MIGA2: variants seen among roughly 807,000 people sequenced by gnomAD.
MIGA2 encodes mitoguardin 2.
MIGA2 carries 36 observed loss-of-function variants against 69.9 expected under a neutral mutation model. That is an observed-to-expected ratio of 0.52 (90% CI 0.39 to 0.68). The LOEUF (loss-of-function observed/expected upper bound fraction) is 0.68. Among genes scored for constraint, MIGA2 ranks in the 30% least tolerant of loss-of-function variants. The pLI, the probability that MIGA2 is intolerant of heterozygous loss-of-function variation, is 0.00. For missense variants in MIGA2, 660 were observed against 787.7 expected (o/e 0.84, Z 1.94); for synonymous variants, 333 against 349.2 (o/e 0.95, Z 0.52).
rs1302255038 is a variant in MIGA2, at chr9:129,063,635, GC to G, written c.1170+5del. The G allele has an allele frequency of 1.3e-6, 2 of 1,553,900 alleles. No individual in the cohort carries two copies. Among genetic ancestry groups the G allele is most frequent in the Non-Finnish European group, 1.8e-6 (2 of 1,129,616 alleles). On this transcript the variant is annotated splice_donor_5th_base_variant and intron_variant, in intron 11 of 15. Coordinates refer to ENST00000684074, the MANE Select transcript of MIGA2 (RefSeq NM_001329990.2). ...CCTGATGACCAAGGCTGAGAAGGTA[GC>G]AGGGGGTGGGGTGGGGGGGCAAATT...
chr9:129,059,175 T>G lies in MIGA2; in HGVS notation c.697T>G (p.Phe233Val). Residue 233 changes from phenylalanine to valine, a missense_variant, in exon 7 of 16, where the codon TTT becomes GTT. By Grantham distance (50) the Phe-to-Val change is conservative (BLOSUM62 -1). Coordinates refer to ENST00000684074, the MANE Select transcript of MIGA2 (RefSeq NM_001329990.2). The surrounding 1 kb of genome is among the most constrained non-coding windows in gnomAD (Gnocchi z 5.6). Reference sequence around the variant, plus strand: ...GCAGCCAGAGTCACAGCGGAAGGAGTTTGCAGAGAAGCTGGAGTCCCTGCT... The same window carrying G: ...GCAGCCAGAGTCACAGCGGAAGGAGGTTGCAGAGAAGCTGGAGTCCCTGCT... ...LSEPESQRKE[F>V]AEKLESLLHR... is the part of the protein sequence containing the mutation. 6.2e-7 allele frequency: 1 copy of G among 1,612,918 alleles called. No individual in the cohort carries two copies. The highest frequency in any genetic ancestry group is 1.1e-5 in the South Asian group (1 of 90,930).
Position 129,068,224 on chromosome 9 carries a change from C to T in MIGA2, c.1296C>T (p.Ile432=), listed in dbSNP as rs754200697. Reference sequence around the variant, plus strand: ...TGGTATGCATGAGCTTCTTCGACATCGTGCTGGACTTCATCCTCATGGACG... The same window carrying T: ...TGGTATGCATGAGCTTCTTCGACATTGTGCTGGACTTCATCCTCATGGACG... ...RGVVCMSFFD[I]VLDFILMDAF... is the part of the protein sequence containing the mutation. Residue 432 remains isoleucine (I), a synonymous_variant, in exon 13 of 16, where the codon ATC becomes ATT. Transcript: ENST00000684074. This position sits in a 1 kb window ranked among gnomAD's most constrained non-coding sequence, Gnocchi z 4.1. The T allele has an allele frequency of 2.2e-5, 36 of 1,613,746 alleles. No individual in the cohort carries two copies. The highest frequency in any genetic ancestry group is 8.0e-5 in the African/African-American group (6 of 74,942).
Position 129,070,447 on chromosome 9 carries a change from G to T in MIGA2, c.1776G>T (p.Leu592=). ...LPRENGPLGE[L]Q ...GAGAGAATGGGCCCCTGGGGGAGCT[G>T]CAGTAGAGGCGGCACGGGCTGGGGG... Residue 592 remains leucine (L), a synonymous_variant, in exon 16 of 16, where the codon CTG becomes CTT. Coordinates refer to ENST00000684074, the MANE Select transcript of MIGA2 (RefSeq NM_001329990.2). 1 of 1,573,466 alleles carries T rather than the reference G, an allele frequency of 6.4e-7. No homozygotes were observed. The highest frequency in any genetic ancestry group is 8.6e-7 in the Non-Finnish European group (1 of 1,156,686).
At position 129,060,781 on chromosome 9, in the gene MIGA2, G is replaced by A. The variant is rs923810218; in HGVS notation, c.894+131G>A. The A allele has an allele frequency of 7.8e-6, 6 of 769,882 alleles. No homozygotes were observed. The highest frequency in any genetic ancestry group is 3.6e-5 in the South Asian group (2 of 55,360). 47.7% of individuals were successfully genotyped at this position (769,882 alleles called of 1,614,324 possible). ...GATGGGAGAATTTGGATGCTCCCAC[G>A]GGCCTCCTCGAAGCTGTTGGGGATG... On this transcript the variant is annotated intron_variant, in intron 8 of 15. Coordinates refer to ENST00000684074, the MANE Select transcript of MIGA2 (RefSeq NM_001329990.2). This position sits in a 1 kb window ranked among gnomAD's most constrained non-coding sequence, Gnocchi z 4.8.
rs759860389 is a variant in MIGA2, at chr9:129,060,590, G to T, written c.834G>T (p.Arg278=). Residue 278 remains arginine, a synonymous_variant, in exon 8 of 16, where the codon CGG becomes CGT. Transcript: ENST00000684074. The surrounding 1 kb of genome is among the most constrained non-coding windows in gnomAD (Gnocchi z 4.8). ...LMLPLTEGSL[R]LRADDEDSLT... is the part of the protein sequence containing the mutation. ...TGCCCCTGACCGAGGGCTCGCTGCG[G>T]CTGCGGGCGGACGATGAGGACAGCC... 3.7e-6 allele frequency: 6 copies of T among 1,606,518 alleles called. No homozygotes were observed. In the South Asian group the frequency reaches 6.7e-5, roughly 18 times the overall value.
At position 129,060,445 on chromosome 9, in the gene MIGA2, G is replaced by A. The variant is rs991166386; in HGVS notation, c.794-105G>A. 4.4e-6 allele frequency: 4 copies of A among 918,576 alleles called. No individual in the cohort carries two copies. Among genetic ancestry groups the A allele is most frequent in the East Asian group, 2.7e-5 (1 of 37,180 alleles). 56.9% of individuals were successfully genotyped at this position (918,576 alleles called of 1,614,324 possible). A position where few individuals can be genotyped will look rare whatever the true frequency, so the allele number is the denominator to read the frequency against. On this transcript the variant is annotated intron_variant, in intron 7 of 15. Transcript: ENST00000684074. This position sits in a 1 kb window ranked among gnomAD's most constrained non-coding sequence, Gnocchi z 4.8. ...ATTGAGTGTGGGAATCACAGGCTCG[G>A]GATGAAGCCTCCCCTGGGCCTGATG... is the stretch of plus-strand genomic sequence containing the variant.
Position 129,060,783 on chromosome 9 carries a change from G to T in MIGA2, c.894+133G>T, listed in dbSNP as rs762300873. ...TGGGAGAATTTGGATGCTCCCACGG[G>T]CCTCCTCGAAGCTGTTGGGGATGGG... On this transcript the variant is annotated intron_variant, in intron 8 of 15. Transcript: ENST00000684074. This position sits in a 1 kb window ranked among gnomAD's most constrained non-coding sequence, Gnocchi z 4.8. 2.8e-5 allele frequency: 21 copies of T among 740,546 alleles called. No individual in the cohort carries two copies. In the African/African-American group the frequency reaches 3.4e-4, roughly 12 times the overall value. The allele number at this position is 740,546 out of a possible 1,614,324, so 45.9% of individuals were successfully genotyped here.
In MIGA2 at chr9:129,059,353, T is replaced by C; in HGVS notation, c.793+82T>C. The C allele has an allele frequency of 8.9e-7, 1 of 1,122,646 alleles. No individual in the cohort carries two copies. The highest frequency in any genetic ancestry group is 1.3e-6 in the Non-Finnish European group (1 of 770,266). 69.5% of individuals were successfully genotyped at this position (1,122,646 alleles called of 1,614,324 possible). On this transcript the variant is annotated intron_variant, in intron 7 of 15. Coordinates refer to ENST00000684074, the MANE Select transcript of MIGA2 (RefSeq NM_001329990.2). The surrounding 1 kb of genome is among the most constrained non-coding windows in gnomAD (Gnocchi z 5.6). ...AGGAGAAGTTGCGAGAACCGGGTCG[T>C]GGTTCTCTCAGTGCGTCCAATGAAT... is the stretch of plus-strand genomic sequence containing the variant.
chr9:129,055,435 T>G (rs569661668), intron 6 of MIGA2, among the ~76,000 whole-genome samples: 3 of 152,310 alleles, frequency 2.0e-5, no homozygotes, highest in Middle Eastern at 6.8e-3. Flanking sequence ...ATATATTTTA[T>G]GTATTTGTGA....
rs1227050348 is a variant in MIGA2, at chr9:129,069,049, C to T, written c.1405-27C>T. ...CTGTGGGCTAGGCCCATTTTGACACCCGGGGGACATCCTATTTTTGATGTA... is the reference window on the plus strand; with the variant it reads ...CTGTGGGCTAGGCCCATTTTGACACTCGGGGGACATCCTATTTTTGATGTA... On this transcript the variant is annotated intron_variant, in intron 13 of 15. Transcript: ENST00000684074. This position sits in a 1 kb window ranked among gnomAD's most constrained non-coding sequence, Gnocchi z 4.9. 1.2e-6 allele frequency: 2 copies of T among 1,613,668 alleles called. No individual in the cohort carries two copies. Among genetic ancestry groups the T allele is most frequent in the East Asian group, 4.5e-5 (2 of 44,884 alleles).
chr9:129,059,027 G>GT lies in MIGA2; in HGVS notation c.676-124dup. 3 of 750,812 alleles carry GT rather than the reference G, an allele frequency of 4.0e-6. No individual in the cohort carries two copies. The highest frequency in any genetic ancestry group is 5.3e-5 in the Admixed American group (2 of 37,490). The allele number at this position is 750,812 out of a possible 1,614,324, so 46.5% of individuals were successfully genotyped here. On this transcript the variant is annotated intron_variant, in intron 6 of 15. Coordinates refer to ENST00000684074, the MANE Select transcript of MIGA2 (RefSeq NM_001329990.2). The surrounding 1 kb of genome is among the most constrained non-coding windows in gnomAD (Gnocchi z 5.6). ...CTCTATCGAGCAGTGAAGTTTTGGAGTTTATGTGCTTAGCTGCTGGGTCCT... is the reference window on the plus strand; with the variant it reads ...CTCTATCGAGCAGTGAAGTTTTGGAGTTTTATGTGCTTAGCTGCTGGGTCCT...
In MIGA2 at chr9:129,060,579, G is replaced by A. The variant is rs1846014855; in HGVS notation, c.823G>A (p.Gly275Ser). ...ERTLMLPLTE[G>S]SLRLRADDED... Reference sequence around the variant, plus strand: ...GACCCTCATGCTGCCCCTGACCGAGGGCTCGCTGCGGCTGCGGGCGGACGA... The same window carrying A: ...GACCCTCATGCTGCCCCTGACCGAGAGCTCGCTGCGGCTGCGGGCGGACGA... The change falls in exon 8 of 16, where the codon GGC (glycine) becomes AGC (serine). Residue 275 changes from glycine (G) to serine (S), a missense_variant. By Grantham distance (56) the Gly-to-Ser change is moderately conservative. Coordinates refer to ENST00000684074, the MANE Select transcript of MIGA2 (RefSeq NM_001329990.2). The surrounding 1 kb of genome is among the most constrained non-coding windows in gnomAD (Gnocchi z 4.8). 4.4e-6 allele frequency: 7 copies of A among 1,605,166 alleles called. No individual in the cohort carries two copies. The highest frequency in any genetic ancestry group is 2.6e-6 in the Non-Finnish European group (3 of 1,175,950).
At chr9:129,046,100 G>A (rs146436621) in intron 3 of MIGA2, among the ~76,000 whole-genome samples, 1,718 of 152,006 alleles carry the variant, frequency 0.011, 33 homozygotes, top group African/African-American at 0.034. Flanking sequence ...TGATTTGCCC[G>A]CCTCAGCCTC....
At position 129,050,035 on chromosome 9, in the gene MIGA2, T is replaced by C. The variant is rs1048004190; in HGVS notation, c.675+72T>C. 2.6e-6 allele frequency: 4 copies of C among 1,540,054 alleles called. No homozygotes were observed. The Admixed American group carries it at 6.2e-5, about 24-fold the overall frequency. Reference sequence around the variant, plus strand: ...AGCACAGGAGAGGGGCGGCCACACCTTGGGAGGCAGGCAGTCTCCTGTCCT... The same window carrying C: ...AGCACAGGAGAGGGGCGGCCACACCCTGGGAGGCAGGCAGTCTCCTGTCCT... On this transcript the variant is annotated intron_variant, in intron 6 of 15. Transcript: ENST00000684074.
In MIGA2 at chr9:129,069,000, G is replaced by C; in HGVS notation, c.1405-76G>C. The C allele has an allele frequency of 6.4e-7, 1 of 1,571,228 alleles. No individual in the cohort carries two copies. The highest frequency in any genetic ancestry group is 1.1e-5 in the South Asian group (1 of 90,178). On this transcript the variant is annotated intron_variant, in intron 13 of 15. Coordinates refer to ENST00000684074, the MANE Select transcript of MIGA2 (RefSeq NM_001329990.2). This position sits in a 1 kb window ranked among gnomAD's most constrained non-coding sequence, Gnocchi z 4.1. ...GGTGAGCTGGGTTTAAGGGCTTGGT[G>C]CTGGGCTGGCAGAGGGCGAGGGGCT...
Position 129,069,373 on chromosome 9 carries a change from G to A in MIGA2, c.1458+244G>A. 1.7e-6 allele frequency: 1 copy of A among 585,184 alleles called. No homozygotes were observed. The allele number at this position is 585,184 out of a possible 1,614,324, so 36.2% of individuals were successfully genotyped here. A position where few individuals can be genotyped will look rare whatever the true frequency, so the allele number is the denominator to read the frequency against. On this transcript the variant is annotated intron_variant, in intron 14 of 15. Transcript: ENST00000684074. This position sits in a 1 kb window ranked among gnomAD's most constrained non-coding sequence, Gnocchi z 4.9. ...CTGGGGAGGGGAACGGATACCCTAG[G>A]GTAGTGGCCACAGGGCTGGCAGCTG...
At chr9:129,041,100 T>C (rs953768088) in intron 2 of MIGA2, among the ~76,000 whole-genome samples, 7 of 152,100 alleles carry the variant, frequency 4.6e-5, no homozygotes, top group Admixed American at 1.3e-4. Context: ...TCTGGGAAGC[T>C]GAAGCAGGTG....
intron 11 of MIGA2, among the ~76,000 whole-genome samples, chr9:129,064,408 C>T (rs1436050367): frequency 4.6e-5 from 7 of 151,848 alleles, no homozygotes; most frequent in Admixed American, 1.3e-4. Flanking sequence ...AGGGTTTCAC[C>T]GTGTTAGCCA....
Position 129,060,014 on chromosome 9 carries a change from G to A in MIGA2, c.794-536G>A, listed in dbSNP as rs1042279306. On this transcript the variant is annotated intron_variant, in intron 7 of 15. Coordinates refer to ENST00000684074, the MANE Select transcript of MIGA2 (RefSeq NM_001329990.2). The surrounding 1 kb of genome is among the most constrained non-coding windows in gnomAD (Gnocchi z 4.8). ...GGCTGGGGGACCTTTAGGGTGGCCC[G>A]CCGCAGGTCTGTGGCCTTTGCTTAT... is the stretch of plus-strand genomic sequence containing the variant. 1.3e-5 allele frequency among the ~76,000 whole-genome samples: 2 copies of A among 152,192 alleles called. No individual in the cohort carries two copies. The highest frequency in any genetic ancestry group is 4.8e-5 in the African/African-American group (2 of 41,456).
Sources: gnomAD v4.1 joint callset for allele counts (sites outside exome capture counted in the v4.1 genomes callset) on GRCh38, gnomAD v4.1.1 for gene constraint, Gnocchi (gnomAD v3.1) non-coding constraint, MANE v1.5 for transcripts, NCBI Gene and HGNC (gene_info 2026-07-23, HGNC 2026-07-21) for gene names.